Variants in ABCB5 observed in about 807,000 individuals in gnomAD.
The protein encoded by ABCB5 is ATP binding cassette subfamily B member 5.
ABCB5 carries 155 observed loss-of-function variants against 144.2 expected under a neutral mutation model. The ratio of observed to expected loss-of-function variants is 1.08; its 90% confidence interval spans 0.94 to 1.23. ABCB5 has a LOEUF of 1.23. Ranked by LOEUF, ABCB5 falls within the 50% of genes most tolerant of loss-of-function variation. The pLI, the probability that ABCB5 is intolerant of heterozygous loss-of-function variation, is 0.00. For synonymous variants in ABCB5, 610 were observed against 528.6 expected (o/e 1.15, Z -2.11); for missense variants, 1,830 against 1,520.8 (o/e 1.20, Z -3.38).
chr7:20,653,969 G>A (rs190282035), intron 13 of ABCB5, among the ~76,000 whole-genome samples: 156 of 152,256 alleles, frequency 1.0e-3, no homozygotes, highest in African/African-American at 3.5e-3. Context: ...TAGGAGTCAG[G>A]ACCACACCTT....
At chr7:20,686,189 T>A (rs963203712) in intron 16 of ABCB5, among the ~76,000 whole-genome samples, 3 of 152,268 alleles carry the variant, frequency 2.0e-5, no homozygotes, top group South Asian at 4.1e-4. Context: ...GTCAGAGGCA[T>A]AAATGCATGC....
rs753571650 is a variant in ABCB5 at position 20,710,984 on chromosome 7, T to C, written c.2421+6177T>C. Among the ~76,000 whole-genome samples the C allele has an allele frequency of 1.0e-4, 15 of 150,104 alleles. 1 individual carries two copies. Among genetic ancestry groups the C allele is most frequent in the Non-Finnish European group, 2.1e-4 (14 of 67,368 alleles). ...ATTCTAGTGGTTACTTTAGGCTTTA[T>C]AGTACCCATCTTTAACTTATCACAG... On this transcript the variant is annotated intron_variant, in intron 20 of 27. Coordinates refer to ENST00000404938, the MANE Select transcript of ABCB5 (RefSeq NM_001163941.2).
At chr7:20,674,169 A>G (rs1562555466) in intron 14 of ABCB5, among the ~76,000 whole-genome samples, 1 of 151,960 alleles carries the variant, frequency 6.6e-6, no homozygotes, top group Non-Finnish European at 1.5e-5. Flanking sequence ...AAAAATTTAA[A>G]TAGGTAATAA....
intron 16 of ABCB5, among the ~76,000 whole-genome samples, chr7:20,689,225 C>G (rs1786121763): frequency 6.6e-6 from 1 of 152,170 alleles, no homozygotes; most frequent in African/African-American, 2.4e-5. Context: ...ATACAGCACC[C>G]ATCGATGATC....
At chr7:20,733,684 G>T (rs1782295376) in intron 23 of ABCB5, among the ~76,000 whole-genome samples, 1 of 148,818 alleles carries the variant, frequency 6.7e-6, no homozygotes, top group African/African-American at 2.5e-5. Context: ...TGTCGCCCAT[G>T]CTGGAGTGCA....
chr7:20,737,713 G>C (rs1451221588), intron 23 of ABCB5, among the ~76,000 whole-genome samples: 1 of 151,808 alleles, frequency 6.6e-6, no homozygotes, highest in Non-Finnish European at 1.5e-5. Flanking sequence ...TGAGGCTTAA[G>C]TCTGACAGTC....
At chr7:20,694,951 G>T (rs188380284) in intron 16 of ABCB5, among the ~76,000 whole-genome samples, 30 of 152,000 alleles carry the variant, frequency 2.0e-4, no homozygotes, top group Admixed American at 1.4e-3. Flanking sequence ...GAGAAAAATA[G>T]ACTAAATAAA....
chr7:20,753,165 T>C (rs1291962455), intron 26 of ABCB5, among the ~76,000 whole-genome samples, 195 bp from the exon 27 acceptor site: 1 of 152,246 alleles, frequency 6.6e-6, no homozygotes, highest in Non-Finnish European at 1.5e-5. Flanking sequence ...ATTGGATATG[T>C]AAATGAGATG....
intron 23 of ABCB5, among the ~76,000 whole-genome samples, chr7:20,728,781 T>C (rs1782120790): frequency 6.6e-6 from 1 of 152,174 alleles, no homozygotes; most frequent in Non-Finnish European, 1.5e-5. Context: ...TAATAAGTTG[T>C]GGAAATACAT....
At chr7:20,658,341 T>G (rs561277577) in intron 13 of ABCB5, among the ~76,000 whole-genome samples, 165 bp from the exon 14 acceptor site, 1 of 151,502 alleles carries the variant, frequency 6.6e-6, no homozygotes. Context: ...TTTTTTTTTT[T>G]ACAGCGGTTT....
In ABCB5 at chr7:20,751,219, C is replaced by G. The variant is rs16872609; in HGVS notation, c.3430-2141C>G. On this transcript the variant is annotated intron_variant, in intron 26 of 27. Coordinates refer to ENST00000404938, the MANE Select transcript of ABCB5 (RefSeq NM_001163941.2). Reference sequence around the variant, plus strand: ...CCCAGTGATTGCCAGAAAATGGATTCAAATTTTCGGCTAAAGAGAAACTCT... The same window carrying G: ...CCCAGTGATTGCCAGAAAATGGATTGAAATTTTCGGCTAAAGAGAAACTCT... 0.019 allele frequency among the ~76,000 whole-genome samples: 2,891 copies of G among 152,006 alleles called. 166 individuals carry two copies. The East Asian group carries it at 0.2, about 10-fold the overall frequency.
chr7:20,681,788 G>A, intron 15 of ABCB5, 122 bp downstream of exon 15: 2 of 1,104,710 alleles, frequency 1.8e-6, no homozygotes, highest in South Asian at 1.6e-5. Flanking sequence ...AAGGTTTATA[G>A]TTCCTCAGTA....
Position 20,650,063 on chromosome 7 carries a change from AGTCGCCTTGGTCG to A in ABCB5, c.1252_1264del (p.Ala418SerfsTer9). ...ATCTCAGAATTAAGTCTGGAGAGAC[AGTCGCCTTGGTCG>A]GTCTCAATGGCAGTGGGAAGAGTAC... On this transcript the variant is annotated frameshift_variant, in exon 12 of 28. Transcript: ENST00000404938. LOFTEE classifies it high-confidence loss of function. 1 of 1,613,546 alleles carries A rather than the reference AGTCGCCTTGGTCG, an allele frequency of 6.2e-7. No homozygotes were observed. The highest frequency in any genetic ancestry group is 8.5e-7 in the Non-Finnish European group (1 of 1,179,622).
At chr7:20,673,056 G>C (rs957649430) in intron 14 of ABCB5, among the ~76,000 whole-genome samples, 1 of 151,492 alleles carries the variant, frequency 6.6e-6, no homozygotes, top group Middle Eastern at 3.4e-3. Context: ...AATTTTATTT[G>C]GTTTCAGTAT....
Position 20,728,363 on chromosome 7 carries a change from C to T in ABCB5, c.2775C>T (p.Ser925=). The change falls in exon 23 of 28, where the codon AGC becomes AGT. Residue 925 remains serine (S), a synonymous_variant. Transcript: ENST00000404938. ...AQIIGSCYAF[S]HAFIYFAYAA... is the part of the protein sequence containing the mutation. ...TTATTGGAAGCTGTTATGCATTCAG[C>T]CATGCCTTTATATATTTTGCCTATG... The T allele has an allele frequency of 6.2e-7, 1 of 1,614,098 alleles. No individual in the cohort carries two copies. The highest frequency in any genetic ancestry group is 2.2e-5 in the East Asian group (1 of 44,884).
chr7:20,681,694 T>C (rs774492644), intron 15 of ABCB5, 28 bp downstream of exon 15: 2 of 1,604,862 alleles, frequency 1.2e-6, no homozygotes, highest in African/African-American at 2.7e-5. Flanking sequence ...TAATGCTATG[T>C]CAGCAGGGTT....
chr7:20,728,212 A>C (rs1035956348), intron 22 of ABCB5, 103 bp from the exon 23 acceptor site: 51 of 1,376,286 alleles, frequency 3.7e-5, no homozygotes, highest in Non-Finnish European at 3.7e-5. Flanking sequence ...CTTTCCACCA[A>C]ATTATAACAT....
chr7:20,730,889 G>A (rs577088395), intron 23 of ABCB5, among the ~76,000 whole-genome samples: 75 of 152,136 alleles, frequency 4.9e-4, no homozygotes, highest in Non-Finnish European at 9.7e-4. Context: ...CCAGGGCCCC[G>A]TTCCTTCTGT....
chr7:20,714,577 T>C (rs1226065675), intron 20 of ABCB5, among the ~76,000 whole-genome samples: 1 of 152,250 alleles, frequency 6.6e-6, no homozygotes, highest in African/African-American at 2.4e-5. Context: ...ATCTTTCTCA[T>C]TGTACCACCA....
Sources: allele counts gnomAD v4.1 joint callset (sites outside exome capture counted in the v4.1 genomes callset), GRCh38; gene constraint gnomAD v4.1.1; transcripts MANE v1.5; gene names NCBI Gene and HGNC (gene_info 2026-07-23, HGNC 2026-07-21).